MMP15: variants seen among roughly 807,000 people sequenced by gnomAD.
MMP15 encodes the protein matrix metallopeptidase 15.
Under a neutral mutation model 65.0 loss-of-function variants are expected in MMP15, and 36 were observed. The observed-to-expected ratio is 0.55, with a 90% CI of 0.42 to 0.73. The LOEUF is 0.73. MMP15 is among the 30% of genes least tolerant of loss of function. The pLI is 0.00. For missense variants in MMP15, 870 were observed against 987.8 expected (o/e 0.88, Z 1.60); for synonymous variants, 428 against 410.2 (o/e 1.04, Z -0.52).
In MMP15 at chr16:58,026,441, C is replaced by T; in HGVS notation, c.91C>T (p.Pro31Ser). Residue 31 changes from proline (P) to serine (S), a missense_variant, in exon 1 of 10, where the codon CCG becomes TCG. Coordinates refer to ENST00000219271, the MANE Select transcript of MMP15 (RefSeq NM_002428.4). ...REEAARPRLL[P>S]LLLVLLGCLG... ...GGAGGCGGCGCGGCCGCGACTGCTGCCGCTGCTCCTGGTGCTTCTGGGCTG... is the reference window on the plus strand; with the variant it reads ...GGAGGCGGCGCGGCCGCGACTGCTGTCGCTGCTCCTGGTGCTTCTGGGCTG... The T allele has an allele frequency of 2.8e-6, 4 of 1,452,634 alleles. No individual in the cohort carries two copies. The highest frequency in any genetic ancestry group is 3.6e-6 in the Non-Finnish European group (4 of 1,105,328). 90.0% of individuals were successfully genotyped at this position (1,452,634 alleles called of 1,614,324 possible).
chr16:58,032,889 C>T (rs1204829655), intron 1 of MMP15, among the ~76,000 whole-genome samples: 2 of 152,262 alleles, frequency 1.3e-5, no homozygotes, highest in Non-Finnish European at 2.9e-5. Context: ...CAGACAGAAC[C>T]TGGGTGACAG....
intron 7 of MMP15, 121 bp downstream of exon 7, chr16:58,042,490 TG>T: frequency 7.4e-7 from 1 of 1,358,576 alleles, no homozygotes. Flanking sequence ...GCCCCCACTG[TG>T]GGCTCACTCT....
chr16:58,034,017 C>T (rs1052838213), intron 1 of MMP15, among the ~76,000 whole-genome samples: 1 of 152,374 alleles, frequency 6.6e-6, no homozygotes, highest in South Asian at 2.1e-4. Context: ...CTCCTTCCCT[C>T]CCATTGGACA....
Position 58,037,515 on chromosome 16 carries a change from A to G in MMP15, c.206A>G (p.His69Arg), listed in dbSNP as rs1437999192. The G allele has an allele frequency of 9.9e-6, 16 of 1,613,980 alleles. No homozygotes were observed. The highest frequency in any genetic ancestry group is 9.3e-6 in the Non-Finnish European group (11 of 1,180,026). ...LYGYLPQPSRHMSTMRSAQIL... is the reference protein window; with the variant it reads ...LYGYLPQPSRRMSTMRSAQIL... ...GGCTACCTGCCTCAGCCCAGCCGCC[A>G]TATGTCCACCATGCGTTCCGCCCAG... The change falls in exon 2 of 10, where the codon CAT (histidine) becomes CGT (arginine). Residue 69 changes from histidine to arginine, a missense_variant. By Grantham distance (29) the His-to-Arg change is conservative. Transcript: ENST00000219271.
chr16:58,043,230 C>T lies in MMP15; in HGVS notation c.1324C>T (p.Arg442Ter), dbSNP rs1315749978. ...FFKGDRYWLF[R>*]EANLEPGYPQ... ...TGTAGGTGACCGCTACTGGCTCTTT[C>T]GAGAAGCGAACCTGGAGCCCGGCTA... Residue 442 changes from arginine to a stop codon, truncating the protein, a stop_gained, in exon 8 of 10, where the codon CGA becomes TGA. Transcript: ENST00000219271. LOFTEE classifies it high-confidence loss of function. The T allele has an allele frequency of 5.6e-6, 9 of 1,599,340 alleles. No individual in the cohort carries two copies. The highest frequency in any genetic ancestry group is 3.4e-5 in the Admixed American group (2 of 58,306).
Position 58,039,357 on chromosome 16 carries a change from G to A in MMP15, c.441-518G>A, listed in dbSNP as rs556729067. Among the ~76,000 whole-genome samples, 15 of 152,370 alleles carry A rather than the reference G, an allele frequency of 9.8e-5. No individual in the cohort carries two copies. The East Asian group carries it at 1.2e-3, about 12-fold the overall frequency. ...CGAGGCAGGAGACTCACTTGAACCC[G>A]GGAGGTGGAGGTTGCAGTGAGCCGA... On this transcript the variant is annotated intron_variant, in intron 3 of 9. Coordinates refer to ENST00000219271, the MANE Select transcript of MMP15 (RefSeq NM_002428.4).
intron 1 of MMP15, among the ~76,000 whole-genome samples, chr16:58,035,169 G>A (rs1198078789): frequency 6.6e-6 from 1 of 152,234 alleles, no homozygotes; most frequent in African/African-American, 2.4e-5. Context: ...CAGGGAAACT[G>A]TCCTTTAAGG....
Position 58,040,114 on chromosome 16 carries a change from C to T in MMP15, c.680C>T (p.Pro227Leu). Residue 227 changes from proline to leucine, a missense_variant, in exon 4 of 10, where the codon CCC (proline) becomes CTC (leucine). Pro to Leu is a moderately conservative substitution (Grantham distance 98). Coordinates refer to ENST00000219271, the MANE Select transcript of MMP15 (RefSeq NM_002428.4). ...GFLAHAYFPG[P>L]GLGGDTHFDA... ...CTGGCCCACGCCTATTTCCCTGGCCCCGGCCTAGGCGGGGACACCCATTTT... is the reference window on the plus strand; with the variant it reads ...CTGGCCCACGCCTATTTCCCTGGCCTCGGCCTAGGCGGGGACACCCATTTT... 1 of 1,613,882 alleles carries T rather than the reference C, an allele frequency of 6.2e-7. No individual in the cohort carries two copies. The highest frequency in any genetic ancestry group is 2.2e-5 in the East Asian group (1 of 44,880).
At chr16:58,032,255 A>G (rs764115172) in intron 1 of MMP15, among the ~76,000 whole-genome samples, 30 of 151,998 alleles carry the variant, frequency 2.0e-4, no homozygotes, top group Non-Finnish European at 4.1e-4. Context: ...TCTTGGCCCT[A>G]TTTTGCAGAG....
At chr16:58,032,373 TC>T (rs1959251846) in intron 1 of MMP15, among the ~76,000 whole-genome samples, 2 of 150,624 alleles carry the variant, frequency 1.3e-5, no homozygotes, top group African/African-American at 4.9e-5. Context: ...GGGGCTGACT[TC>T]CGCTCAGCCT....
intron 1 of MMP15, among the ~76,000 whole-genome samples, chr16:58,031,681 T>C (rs1196343396): frequency 6.6e-6 from 1 of 151,940 alleles, no homozygotes; most frequent in Non-Finnish European, 1.5e-5. Context: ...CCTGCTGGAC[T>C]TCCCCACCAC....
chr16:58,035,642 A>G (rs1233697339), intron 1 of MMP15, among the ~76,000 whole-genome samples: 3 of 152,314 alleles, frequency 2.0e-5, no homozygotes, highest in South Asian at 4.1e-4. Flanking sequence ...CGACAGAGAT[A>G]AGGAGGTGGA....
chr16:58,045,186 G>A lies in MMP15; in HGVS notation c.1750G>A (p.Glu584Lys), dbSNP rs778145590. Residue 584 changes from glutamate (E) to lysine (K), a missense_variant, in exon 10 of 10, where the codon GAG becomes AAG. Transcript: ENST00000219271. ...RPPFNPHGGA[E>K]PGADSAEGDV... Reference sequence around the variant, plus strand: ...GCCCTTCAACCCCCACGGGGGTGCAGAGCCCGGGGCGGACAGCGCAGAGGG... The same window carrying A: ...GCCCTTCAACCCCCACGGGGGTGCAAAGCCCGGGGCGGACAGCGCAGAGGG... 9 of 1,592,822 alleles carry A rather than the reference G, an allele frequency of 5.7e-6. No individual in the cohort carries two copies. The highest frequency in any genetic ancestry group is 2.6e-6 in the Non-Finnish European group (3 of 1,170,258).
At chr16:58,032,530 G>A (rs986064568) in intron 1 of MMP15, among the ~76,000 whole-genome samples, 3 of 152,248 alleles carry the variant, frequency 2.0e-5, no homozygotes, top group African/African-American at 4.8e-5. Flanking sequence ...GGGCTTGGTG[G>A]TATTGGGGCC....
chr16:58,039,173 C>A (rs1040779947), intron 3 of MMP15, among the ~76,000 whole-genome samples: 1 of 152,240 alleles, frequency 6.6e-6, no homozygotes, highest in East Asian at 1.9e-4. Context: ...TGGCTCACAC[C>A]TGTAATCCCA....
intron 5 of MMP15, 35 bp downstream of exon 5, chr16:58,040,733 G>T: frequency 6.2e-7 from 1 of 1,613,140 alleles, no homozygotes; most frequent in Non-Finnish European, 8.5e-7. Flanking sequence ...TCTGCATGCC[G>T]CTCTCAAGTC....
chr16:58,030,920 C>T (rs922091959), intron 1 of MMP15, among the ~76,000 whole-genome samples: 1 of 152,122 alleles, frequency 6.6e-6, no homozygotes, highest in Non-Finnish European at 1.5e-5. Flanking sequence ...AGATTCATTG[C>T]ATTTATGTGC....
intron 1 of MMP15, 77 bp downstream of exon 1, chr16:58,026,589 T>TG: frequency 1.6e-6 from 2 of 1,264,384 alleles, no homozygotes; most frequent in Non-Finnish European, 2.0e-6. Context: ...GGCTGGGACT[T>TG]GGAGGTGGAG....
At position 58,045,431 on chromosome 16, in the gene MMP15, G is replaced by A; in HGVS notation, c.1995G>A (p.Leu665=). 1 of 1,539,188 alleles carries A rather than the reference G, an allele frequency of 6.5e-7. No homozygotes were observed. ...TCCTGCTTTACTGCAAGCGCTCGCT[G>A]CAGGAGTGGGTCTGACCACCCAGCG... ...PRVLLYCKRS[L]QEWV The change falls in exon 10 of 10, where the codon CTG becomes CTA. Residue 665 remains leucine, a synonymous_variant. Coordinates refer to ENST00000219271, the MANE Select transcript of MMP15 (RefSeq NM_002428.4).
Sources: gnomAD v4.1 joint callset for allele counts (sites outside exome capture counted in the v4.1 genomes callset) on GRCh38, gnomAD v4.1.1 for gene constraint, MANE v1.5 for transcripts, NCBI Gene and HGNC (gene_info 2026-07-23, HGNC 2026-07-21) for gene names.